Variants in CALN1 observed in about 807,000 individuals in gnomAD.
CALN1 encodes the protein calcium-binding protein 8.
CALN1 carries 17 observed loss-of-function variants against 30.6 expected under a neutral mutation model. The ratio of observed to expected loss-of-function variants is 0.56; its 90% CI spans 0.38 to 0.83. The LOEUF (loss-of-function observed/expected upper bound fraction) is 0.83. Among genes scored for constraint, CALN1 ranks in the 40% least tolerant of loss-of-function variants. The pLI, the probability that CALN1 is intolerant of heterozygous loss-of-function variation, is 0.00. For missense variants in CALN1, 291 were observed against 354.9 expected, an observed-to-expected ratio of 0.82 and a Z score of 1.45; for synonymous variants, 156 against 131.4, an observed-to-expected ratio of 1.19 and a Z score of -1.28.
chr7:71,958,086 AAG>A (rs1797057178), intron 5 of CALN1, among the ~76,000 whole-genome samples: 1 of 149,374 alleles, frequency 6.7e-6, no homozygotes, highest in African/African-American at 2.5e-5. Context: ...AAAAAAAAGA[AAG>A]AAAGAAAAAA....
chr7:72,365,429 T>G (rs1803821864), intron 2 of CALN1, among the ~76,000 whole-genome samples: 2 of 152,052 alleles, frequency 1.3e-5, no homozygotes, highest in Admixed American at 1.3e-4. Flanking sequence ...GTGCATAAAA[T>G]GAGAAATACG....
At chr7:72,246,692 C>T (rs956289304) in intron 3 of CALN1, among the ~76,000 whole-genome samples, 1 of 151,538 alleles carries the variant, frequency 6.6e-6, no homozygotes, top group East Asian at 1.9e-4. Context: ...TTGTTTTGTC[C>T]AGGACTATCC....
intron 2 of CALN1, chr7:72,336,815 CG>C: frequency 4.1e-6 from 4 of 985,010 alleles, no homozygotes; most frequent in Non-Finnish European, 4.8e-6. Flanking sequence ...ATGCGCCGAG[CG>C]GGCAGCGCTC....
chr7:71,928,384 C>A lies in CALN1; in HGVS notation c.501+95273G>T, dbSNP rs61166657. Among the ~76,000 whole-genome samples the A allele has an allele frequency of 1.2e-4, 18 of 150,928 alleles. No individual in the cohort carries two copies. The East Asian group carries it at 3.5e-3, about 30-fold the overall frequency. On this transcript the variant is annotated intron_variant, in intron 5 of 6. Transcript: ENST00000395275. ...TTGGGAATGCCTATCTTTCCATTGACTTCAGGCCACCCAATTGCCCTGGGG... is the reference window on the plus strand; with the variant it reads ...TTGGGAATGCCTATCTTTCCATTGAATTCAGGCCACCCAATTGCCCTGGGG...
intron 1 of CALN1, among the ~76,000 whole-genome samples, chr7:72,419,074 C>A (rs937067902): frequency 6.6e-6 from 1 of 152,066 alleles, no homozygotes; most frequent in Non-Finnish European, 1.5e-5. Flanking sequence ...GAAGTAGATT[C>A]CCAGAAACAC....
chr7:72,465,982 A>G, the CALN1 span, among the ~76,000 whole-genome samples: 1 of 152,172 alleles, frequency 6.6e-6, no homozygotes, highest in Non-Finnish European at 1.5e-5. Flanking sequence ...AAAGCAAATC[A>G]GAGTAGAACA....
At chr7:72,307,351 C>G (rs903207925) in intron 2 of CALN1, among the ~76,000 whole-genome samples, 9 of 152,164 alleles carry the variant, frequency 5.9e-5, no homozygotes, top group African/African-American at 1.4e-4. Flanking sequence ...GCACAGAGGA[C>G]AAAGATTGCA....
the CALN1 span, among the ~76,000 whole-genome samples, chr7:72,479,552 A>ATTTTTTT: frequency 6.1e-4 from 80 of 130,750 alleles, no homozygotes; most frequent in African/African-American, 1.6e-3. Context: ...TTATAGCACA[A>ATTTTTTT]TTTTTTTTTT....
chr7:72,378,585 C>A (rs1311672836), intron 2 of CALN1, among the ~76,000 whole-genome samples: 1 of 152,104 alleles, frequency 6.6e-6, no homozygotes, highest in African/African-American at 2.4e-5. Flanking sequence ...CACGTAAGTC[C>A]TTTTATTCTC....
At chr7:72,487,442 T>C in the CALN1 span, among the ~76,000 whole-genome samples, 19 of 151,760 alleles carry the variant, frequency 1.3e-4, no homozygotes, top group East Asian at 3.5e-3. Context: ...TCCCAGCACT[T>C]TGGGAGACTG....
chr7:72,011,130 C>T (rs1045333605), intron 5 of CALN1, among the ~76,000 whole-genome samples: 1 of 146,482 alleles, frequency 6.8e-6, no homozygotes, highest in Non-Finnish European at 1.5e-5. Flanking sequence ...TCCAGCCTGG[C>T]GACAGAGTGA....
At chr7:72,294,035 C>G (rs1364321243) in intron 2 of CALN1, among the ~76,000 whole-genome samples, 1 of 152,018 alleles carries the variant, frequency 6.6e-6, no homozygotes. Flanking sequence ...GAGGTGGAGG[C>G]TGTGGTGAGC....
Position 72,326,428 on chromosome 7 carries a change from A to G in CALN1, c.120-47618T>C, listed in dbSNP as rs926122545. Among the ~76,000 whole-genome samples the G allele has an allele frequency of 4.6e-5, 7 of 152,234 alleles. No individual in the cohort carries two copies. In the East Asian group the frequency reaches 1.3e-3, roughly 29 times the overall value. ...GGGAGAAATAAAGCAGATGACACCT[A>G]CTAAGCACTAAGCTAGTTTGCCTGC... is the stretch of plus-strand genomic sequence containing the variant. On this transcript the variant is annotated intron_variant, in intron 2 of 6. Transcript: ENST00000395275.
chr7:72,263,641 C>T (rs1024621118), intron 3 of CALN1, among the ~76,000 whole-genome samples: 9 of 152,136 alleles, frequency 5.9e-5, no homozygotes, highest in Non-Finnish European at 1.0e-4. Context: ...GTCTTGAACC[C>T]CTGGCCTCAA....
At position 72,195,062 on chromosome 7, in the gene CALN1, A is replaced by C. The variant is rs1303146185; in HGVS notation, c.244+83624T>G. On this transcript the variant is annotated intron_variant, in intron 3 of 6. Coordinates refer to ENST00000395275, the MANE Select transcript of CALN1 (RefSeq NM_031468.4). The stretch of plus-strand genomic sequence containing the variant: ...CGTCCCATCCTCAATCCTCAACATG[A>C]GCAAGTTCAAGTCACTTTACAGTTC... 2.6e-5 allele frequency among the ~76,000 whole-genome samples: 4 copies of C among 152,126 alleles called. No homozygotes were observed. The East Asian group carries it at 7.7e-4, about 29-fold the overall frequency.
chr7:72,211,134 C>T (rs1792364908), intron 3 of CALN1, among the ~76,000 whole-genome samples: 1 of 152,034 alleles, frequency 6.6e-6, no homozygotes, highest in African/African-American at 2.4e-5. Flanking sequence ...TTCGTATTGC[C>T]AACAAAACTA....
chr7:72,488,202 C>T, the CALN1 span, among the ~76,000 whole-genome samples: 1 of 150,508 alleles, frequency 6.6e-6, no homozygotes, highest in African/African-American at 2.4e-5. Context: ...CCTATCTGTA[C>T]AAAAAAAAAT....
intron 3 of CALN1, among the ~76,000 whole-genome samples, chr7:72,220,479 T>C (rs1162213966): frequency 4.0e-5 from 6 of 151,744 alleles, no homozygotes; most frequent in African/African-American, 7.3e-5. Context: ...TCTTTGCTAT[T>C]GTGAATAGTG....
chr7:71,824,303 TC>T (rs958708339), intron 5 of CALN1, among the ~76,000 whole-genome samples: 1 of 151,904 alleles, frequency 6.6e-6, no homozygotes, highest in African/African-American at 2.4e-5. Flanking sequence ...TCAATCATTG[TC>T]CCCCCAAAAT....
Sources: gnomAD v4.1 joint callset for allele counts (sites outside exome capture counted in the v4.1 genomes callset) on GRCh38, gnomAD v4.1.1 for gene constraint, MANE v1.5 for transcripts, NCBI Gene and HGNC (gene_info 2026-07-23, HGNC 2026-07-21) for gene names.